The following SOX5 variants were observed in gnomAD, a reference collection of about 807,000 sequenced individuals.
SOX5 encodes the protein transcription factor SOX-5.
Under a neutral mutation model 92.0 loss-of-function variants are expected in SOX5, and 9 were observed. The observed-to-expected ratio is 0.10, with a 90% CI of 0.06 to 0.17. The LOEUF is 0.17. SOX5 is among the 10% of genes least tolerant of loss of function. SOX5 has a pLI of 1.00. For missense variants in SOX5, 642 were observed against 944.5 expected (o/e 0.68, Z 4.20); for synonymous variants, 344 against 336.3 (o/e 1.02, Z -0.25).
intron 4 of SOX5, among the ~76,000 whole-genome samples, chr12:24,207,847 T>A (rs1168921788): frequency 6.6e-6 from 1 of 152,180 alleles, no homozygotes; most frequent in Admixed American, 6.5e-5. Context: ...AGCTGCATCG[T>A]CAACTCTCGT....
At chr12:24,399,828 A>G (rs1287760822) in intron 1 of SOX5, among the ~76,000 whole-genome samples, 2 of 152,220 alleles carry the variant, frequency 1.3e-5, no homozygotes, top group Non-Finnish European at 2.9e-5. Context: ...ATCTAATAAC[A>G]TATTATCTCT....
chr12:24,348,201 A>C (rs1468852799), intron 2 of SOX5, among the ~76,000 whole-genome samples: 1 of 151,954 alleles, frequency 6.6e-6, no homozygotes, highest in Non-Finnish European at 1.5e-5. Flanking sequence ...GGATACTCTA[A>C]AGTTTGCGAT....
At chr12:24,452,976 C>A in intron 1 of SOX5, among the ~76,000 whole-genome samples, 1 of 152,144 alleles carries the variant, frequency 6.6e-6, no homozygotes. Context: ...AACTTAAAAT[C>A]CTTACTAGAC....
At chr12:23,677,462 C>T (rs767779894) in intron 6 of SOX5, among the ~76,000 whole-genome samples, 12 of 152,096 alleles carry the variant, frequency 7.9e-5, no homozygotes, top group East Asian at 7.7e-4. Context: ...TTTTTGCTAC[C>T]TCAGTTACCA....
chr12:23,640,155 T>C (rs1423137733), intron 8 of SOX5, among the ~76,000 whole-genome samples: 2 of 152,242 alleles, frequency 1.3e-5, no homozygotes, highest in Admixed American at 6.5e-5. Context: ...AGCTACCTGT[T>C]ACTATAATTG....
chr12:23,749,093 C>T (rs1454207788), intron 4 of SOX5, among the ~76,000 whole-genome samples: 1 of 151,850 alleles, frequency 6.6e-6, no homozygotes, highest in Non-Finnish European at 1.5e-5. Flanking sequence ...CTCCCCTCAT[C>T]AAAAAGGCTA....
intron 3 of SOX5, among the ~76,000 whole-genome samples, chr12:23,777,325 T>C (rs1252014767): frequency 6.6e-6 from 1 of 152,222 alleles, no homozygotes; most frequent in African/African-American, 2.4e-5. Context: ...AAAGGAGTTA[T>C]ACTGTGGATA....
chr12:24,356,688 G>T (rs964487731), intron 2 of SOX5, among the ~76,000 whole-genome samples: 1 of 152,012 alleles, frequency 6.6e-6, no homozygotes, highest in Non-Finnish European at 1.5e-5. Context: ...AGAAGAATAT[G>T]CAAGGACTTC....
chr12:23,670,960 T>A (rs968056908), intron 6 of SOX5, among the ~76,000 whole-genome samples: 2 of 152,066 alleles, frequency 1.3e-5, no homozygotes, highest in African/African-American at 4.8e-5. Context: ...ACTCCAGCAT[T>A]CAGGGGAAGA....
At chr12:24,463,349 C>T (rs548584990) in intron 1 of SOX5, among the ~76,000 whole-genome samples, 7 of 152,290 alleles carry the variant, frequency 4.6e-5, no homozygotes, top group African/African-American at 7.2e-5. Flanking sequence ...CTACTCTCTA[C>T]GTACAGCTAA....
intron 3 of SOX5, among the ~76,000 whole-genome samples, chr12:24,232,181 G>T (rs563840783): frequency 6.6e-6 from 1 of 151,950 alleles, no homozygotes; most frequent in Non-Finnish European, 1.5e-5. Flanking sequence ...GACAGTAATG[G>T]CTTACCTATT....
chr12:24,172,755 A>G (rs756018695), intron 4 of SOX5, among the ~76,000 whole-genome samples: 1 of 152,218 alleles, frequency 6.6e-6, no homozygotes, highest in African/African-American at 2.4e-5. Flanking sequence ...TTTAAACATC[A>G]GAAATTTCAA....
intron 3 of SOX5, among the ~76,000 whole-genome samples, chr12:23,796,969 G>C (rs1008290244): frequency 6.8e-6 from 1 of 147,654 alleles, no homozygotes; most frequent in Non-Finnish European, 1.5e-5. Flanking sequence ...CTGCACAGTA[G>C]GTATTTTTAT....
At chr12:24,469,102 C>A (rs4963761) in intron 1 of SOX5, among the ~76,000 whole-genome samples, 12 of 151,940 alleles carry the variant, frequency 7.9e-5, no homozygotes, top group African/African-American at 2.9e-4. Flanking sequence ...TGCAACTAGG[C>A]GGTCCCATCT....
intron 2 of SOX5, among the ~76,000 whole-genome samples, chr12:24,280,785 C>T (rs1405695925): frequency 6.6e-6 from 1 of 151,750 alleles, no homozygotes; most frequent in African/African-American, 2.4e-5. Context: ...CCAAAGAACC[C>T]ACATACTTCA....
intron 4 of SOX5, among the ~76,000 whole-genome samples, chr12:23,983,267 C>A (rs1043198836): frequency 2.6e-5 from 4 of 152,148 alleles, no homozygotes; most frequent in Admixed American, 2.6e-4. Flanking sequence ...GTAAGCATCA[C>A]CTGCTTCCCT....
rs142211151 is a variant in SOX5 at position 23,974,699 on chromosome 12, G to T, written c.-1-78675C>A. ...GAATCATCTTGCAAGAAAATATAAG[G>T]GAAAATTCATTTGTGGGATCATAAT... On this transcript the variant is annotated intron_variant, in intron 4 of 4. Transcript: ENST00000446891. 5.3e-4 allele frequency among the ~76,000 whole-genome samples: 81 copies of T among 152,192 alleles called. 2 individuals are homozygous for T. The East Asian group carries it at 0.014, about 27-fold the overall frequency.
intron 1 of SOX5, among the ~76,000 whole-genome samples, chr12:24,524,033 C>G (rs112302550): frequency 3.3e-5 from 5 of 152,188 alleles, no homozygotes; most frequent in African/African-American, 1.2e-4. Flanking sequence ...TGAGGAATAT[C>G]TAGGAACTGG....
chr12:24,131,080 C>T (rs1949602183), intron 4 of SOX5, among the ~76,000 whole-genome samples: 1 of 152,178 alleles, frequency 6.6e-6, no homozygotes, highest in South Asian at 2.1e-4. Context: ...CCAATGATAG[C>T]TCATCTGAAA....
Sources: gnomAD v4.1 joint callset for allele counts (sites outside exome capture counted in the v4.1 genomes callset) on GRCh38, gnomAD v4.1.1 for gene constraint, MANE v1.5 for transcripts, NCBI Gene and HGNC (gene_info 2026-07-23, HGNC 2026-07-21) for gene names.